Variants in ANKRD6 observed in about 807,000 individuals in gnomAD.
ANKRD6 encodes the protein ankyrin repeat domain 6.
Under a neutral mutation model 82.3 loss-of-function variants are expected in ANKRD6, and 56 were observed. The ratio of observed to expected loss-of-function variants is 0.68; its 90% CI spans 0.55 to 0.85. The LOEUF is 0.85. Ranked by LOEUF, ANKRD6 falls within the 40% of genes least tolerant of loss-of-function variation. The pLI is 0.00. For synonymous variants in ANKRD6, 347 were observed against 352.1 expected (o/e 0.99, Z 0.16); for missense variants, 852 against 907.6 (o/e 0.94, Z 0.79).
At chr6:89,587,517 TC>T (rs1794019711) in intron 2 of ANKRD6, among the ~76,000 whole-genome samples, 2 of 152,094 alleles carry the variant, frequency 1.3e-5, no homozygotes, top group Non-Finnish European at 2.9e-5. Context: ...AATTCTCTTA[TC>T]AATTAAACCC....
At chr6:89,603,746 G>A (rs1323819884) in intron 4 of ANKRD6, among the ~76,000 whole-genome samples, 5 of 152,190 alleles carry the variant, frequency 3.3e-5, no homozygotes, top group African/African-American at 1.2e-4. Context: ...AGCACTTTGG[G>A]AGGCTAAGGT....
chr6:89,557,548 C>G (rs935076661), intron 1 of ANKRD6, among the ~76,000 whole-genome samples: 2 of 152,168 alleles, frequency 1.3e-5, no homozygotes, highest in African/African-American at 4.8e-5. Flanking sequence ...GTTACTATTG[C>G]ATTTGGCAAT....
chr6:89,465,429 T>A (rs1438391015), intron 1 of ANKRD6, among the ~76,000 whole-genome samples: 5 of 152,132 alleles, frequency 3.3e-5, no homozygotes, highest in South Asian at 2.1e-4. Flanking sequence ...CCTAATTATT[T>A]TTTTTTTAAT....
At chr6:89,495,692 C>A (rs984142647) in intron 1 of ANKRD6, among the ~76,000 whole-genome samples, 1 of 152,184 alleles carries the variant, frequency 6.6e-6, no homozygotes, top group African/African-American at 2.4e-5. Flanking sequence ...CAAACTCTCT[C>A]ATAGGGCTTT....
chr6:89,456,566 T>G lies in ANKRD6; in HGVS notation c.-144+23191T>G, dbSNP rs1256435200. Among the ~76,000 whole-genome samples the G allele has an allele frequency of 2.6e-5, 4 of 152,196 alleles. No individual in the cohort carries two copies. The East Asian group carries it at 7.7e-4, about 29-fold the overall frequency. ...CCTACCCTAATGGCCTCATTTTAACTTAATTACCTCTTTCAGGGCTCTGTC... is the reference window on the plus strand; with the variant it reads ...CCTACCCTAATGGCCTCATTTTAACGTAATTACCTCTTTCAGGGCTCTGTC... On this transcript the variant is annotated intron_variant, in intron 1 of 15. Transcript: ENST00000339746.
intron 2 of ANKRD6, among the ~76,000 whole-genome samples, chr6:89,576,796 G>A (rs1791208161): frequency 6.6e-6 from 1 of 152,012 alleles, no homozygotes; most frequent in Non-Finnish European, 1.5e-5. Flanking sequence ...CTTTCCTCAG[G>A]CCCTCTGCGC....
In ANKRD6 at chr6:89,533,084, T is replaced by A. The variant is rs773395196; in HGVS notation, c.-143-33750T>A. Among the ~76,000 whole-genome samples the A allele has an allele frequency of 2.4e-4, 37 of 151,354 alleles. No homozygotes were observed. In the Middle Eastern group the frequency reaches 0.01, roughly 42 times the overall value. On this transcript the variant is annotated intron_variant, in intron 1 of 15. Transcript: ENST00000339746. ...TAGAGACGGGGTTTCACCATGTTGG[T>A]CAGGCTGTTCTTGAACTCCTGACCT... is the stretch of plus-strand genomic sequence containing the variant.
At chr6:89,495,180 C>A (rs145884942) in intron 1 of ANKRD6, among the ~76,000 whole-genome samples, 1,537 of 152,276 alleles carry the variant, frequency 0.01, 39 homozygotes, top group African/African-American at 0.035. Flanking sequence ...TTGCAGCGAG[C>A]CAAGATTGTG....
chr6:89,466,362 A>G (rs1008795902), intron 1 of ANKRD6, among the ~76,000 whole-genome samples: 7 of 152,198 alleles, frequency 4.6e-5, no homozygotes, highest in Non-Finnish European at 8.8e-5. Flanking sequence ...TACTGAGTCA[A>G]AAGATATTTA....
chr6:89,514,442 T>C (rs914095569), intron 1 of ANKRD6, among the ~76,000 whole-genome samples: 3 of 151,022 alleles, frequency 2.0e-5, no homozygotes, highest in Non-Finnish European at 4.5e-5. Context: ...TCAGCTATTG[T>C]TAGTGTTAGT....
At chr6:89,551,522 C>G (rs1785846822) in intron 1 of ANKRD6, among the ~76,000 whole-genome samples, 1 of 152,182 alleles carries the variant, frequency 6.6e-6, no homozygotes, top group Non-Finnish European at 1.5e-5. Context: ...TGGATTTTCC[C>G]TACAAAGGAC....
intron 1 of ANKRD6, among the ~76,000 whole-genome samples, chr6:89,441,416 G>A (rs918061640): frequency 7.9e-5 from 12 of 152,092 alleles, no homozygotes; most frequent in African/African-American, 2.9e-4. Context: ...GCCTCCCAAA[G>A]TGCTGGGATT....
chr6:89,457,321 G>T (rs765540251), intron 1 of ANKRD6, among the ~76,000 whole-genome samples: 1 of 152,190 alleles, frequency 6.6e-6, no homozygotes, highest in Non-Finnish European at 1.5e-5. Context: ...AGGACCTCAG[G>T]ATTATTGGAA....
At chr6:89,452,404 G>A (rs1451945022) in intron 1 of ANKRD6, among the ~76,000 whole-genome samples, 1 of 152,164 alleles carries the variant, frequency 6.6e-6, no homozygotes, top group African/African-American at 2.4e-5. Flanking sequence ...TTTAAGTGAG[G>A]GGGGAAATGT....
At chr6:89,622,235 C>T (rs542563677) in intron 10 of ANKRD6, among the ~76,000 whole-genome samples, 31 of 152,308 alleles carry the variant, frequency 2.0e-4, no homozygotes, top group East Asian at 9.7e-4. Context: ...CCTCCGTGTG[C>T]GCTGCCCATT....
intron 14 of ANKRD6, chr6:89,628,860 A>AC: frequency 2.1e-6 from 1 of 471,484 alleles, no homozygotes; most frequent in Non-Finnish European, 3.9e-6. Context: ...TGAGGCATTC[A>AC]CCCCCTTGAC....
chr6:89,592,727 C>A (rs1417623927), intron 2 of ANKRD6, among the ~76,000 whole-genome samples: 1 of 152,100 alleles, frequency 6.6e-6, no homozygotes, highest in South Asian at 2.1e-4. Flanking sequence ...ATTCCATGGT[C>A]AGAGTATCAG....
Position 89,463,673 on chromosome 6 carries a change from C to T in ANKRD6, c.-144+30298C>T, listed in dbSNP as rs185602577. On this transcript the variant is annotated intron_variant, in intron 1 of 15. Transcript: ENST00000339746. The stretch of plus-strand genomic sequence containing the variant: ...AAGCAATTCTCCTGCCTCAGCCTCC[C>T]GAGTAGCTGGGATTACAGGTGCCCG... Among the ~76,000 whole-genome samples the T allele has an allele frequency of 7.8e-4, 119 of 152,074 alleles. 1 individual carries two copies. In the East Asian group the frequency reaches 0.017, roughly 21 times the overall value.
intron 2 of ANKRD6, among the ~76,000 whole-genome samples, chr6:89,588,803 C>T (rs547687676): frequency 2.6e-5 from 4 of 152,010 alleles, no homozygotes; most frequent in South Asian, 2.1e-4. Context: ...GTCAGGAGTT[C>T]GAGACCAGCA....
Sources: gnomAD v4.1 joint callset for allele counts (sites outside exome capture counted in the v4.1 genomes callset) on GRCh38, gnomAD v4.1.1 for gene constraint, MANE v1.5 for transcripts, NCBI Gene and HGNC (gene_info 2026-07-23, HGNC 2026-07-21) for gene names.